The following EXOC5 variants were observed in gnomAD, a reference collection of about 807,000 sequenced individuals.
EXOC5 encodes SEC10-like 1.
In EXOC5, 17 loss-of-function variants were observed where a neutral mutation model predicts 90.8. The observed-to-expected ratio is 0.19, with a 90% CI of 0.13 to 0.28. The LOEUF (loss-of-function observed/expected upper bound fraction) is 0.28, where lower values mean the gene tolerates loss of function less well. EXOC5 is among the 10% of genes least tolerant of loss of function. EXOC5 has a pLI of 1.00. For synonymous variants in EXOC5, 260 were observed against 270.0 expected, an observed-to-expected ratio of 0.96 and a Z score of 0.36; for missense variants, 569 against 830.6, an observed-to-expected ratio of 0.69 and a Z score of 3.87.
At chr14:57,228,981 CTGTT>C (rs1291471706) in intron 12 of EXOC5, among the ~76,000 whole-genome samples, 1 of 151,714 alleles carries the variant, frequency 6.6e-6, no homozygotes, top group African/African-American at 2.4e-5. Context: ...TCTGACTTAT[CTGTT>C]TATTTTGCTA....
intron 3 of EXOC5, among the ~76,000 whole-genome samples, chr14:57,245,291 G>A (rs1048856465): frequency 6.6e-6 from 1 of 152,068 alleles, no homozygotes; most frequent in African/African-American, 2.4e-5. Flanking sequence ...AACTGAGGTG[G>A]GGAAGAGCTG....
At chr14:57,250,177 G>GT (rs1884148823) in intron 1 of EXOC5, among the ~76,000 whole-genome samples, 1 of 152,120 alleles carries the variant, frequency 6.6e-6, no homozygotes, top group Admixed American at 6.6e-5. Context: ...TCTGCGGGAG[G>GT]TAGACTCTAA....
At chr14:57,241,132 G>T (rs1184669636) in intron 4 of EXOC5, among the ~76,000 whole-genome samples, 1 of 152,172 alleles carries the variant, frequency 6.6e-6, no homozygotes, top group East Asian at 1.9e-4. Flanking sequence ...GGGATTACAG[G>T]CTTGAGACAC....
At chr14:57,253,634 G>A (rs535556711) in intron 1 of EXOC5, among the ~76,000 whole-genome samples, 1 of 152,128 alleles carries the variant, frequency 6.6e-6, no homozygotes, top group East Asian at 1.9e-4. Flanking sequence ...GATCAAGACA[G>A]TATATGGTAC....
intron 9 of EXOC5, chr14:57,233,234 T>C (rs1883539797): frequency 7.1e-6 from 1 of 141,130 alleles, no homozygotes; most frequent in Non-Finnish European, 1.5e-5. Context: ...TCCTGAATTG[T>C]GTTAAAAAAA....
intron 7 of EXOC5, among the ~76,000 whole-genome samples, chr14:57,234,604 C>T (rs1883601880): frequency 6.8e-6 from 1 of 147,804 alleles, no homozygotes; most frequent in East Asian, 2.0e-4. Flanking sequence ...TCACTCCTGT[C>T]ACCCAGGCTG....
At chr14:57,225,875 G>A (rs1259643478) in intron 12 of EXOC5, among the ~76,000 whole-genome samples, 1 of 152,212 alleles carries the variant, frequency 6.6e-6, no homozygotes, top group Non-Finnish European at 1.5e-5. Flanking sequence ...GAAGGGGTGA[G>A]AAGGTGCTTC....
rs893591834 is a variant in EXOC5, at chr14:57,205,820, G to A, written c.*2789C>T. 1 of 441,312 alleles carries A rather than the reference G, an allele frequency of 2.3e-6. No homozygotes were observed. Among genetic ancestry groups the A allele is most frequent in the South Asian group, 1.6e-5 (1 of 60,662 alleles). The allele number at this position is 441,312 out of a possible 1,614,324, so 27.3% of individuals were successfully genotyped here. ...ATTAGATTTTAATTTAACCTACTTT[G>A]ATAGTTTTTTAAAACAAGGAAGATC... On this transcript the variant is annotated 3_prime_UTR_variant, in exon 18 of 18. Transcript: ENST00000621441.
At position 57,208,457 on chromosome 14, in the gene EXOC5, A is replaced by C; in HGVS notation, c.*152T>G. On this transcript the variant is annotated 3_prime_UTR_variant, in exon 18 of 18. Coordinates refer to ENST00000621441, the MANE Select transcript of EXOC5 (RefSeq NM_006544.4). ...AACTTTAAATAAAACCTCAAAGGTAAGTATGGCTGCTGTTTTGTTCCAGTC... is the reference window on the plus strand; with the variant it reads ...AACTTTAAATAAAACCTCAAAGGTACGTATGGCTGCTGTTTTGTTCCAGTC... The C allele has an allele frequency of 1.9e-6, 1 of 514,932 alleles. No individual in the cohort carries two copies. Among genetic ancestry groups the C allele is most frequent in the Non-Finnish European group, 3.4e-6 (1 of 293,048 alleles). 31.9% of individuals were successfully genotyped at this position (514,932 alleles called of 1,614,324 possible). A position where few individuals can be genotyped will look rare whatever the true frequency, so the allele number is the denominator to read the frequency against.
intron 12 of EXOC5, among the ~76,000 whole-genome samples, chr14:57,227,143 C>A (rs1360489008): frequency 6.6e-6 from 1 of 152,050 alleles, no homozygotes; most frequent in East Asian, 1.9e-4. Context: ...AAGATCTGAA[C>A]AAACACTTCA....
At chr14:57,254,530 G>T (rs1884289672) in intron 1 of EXOC5, among the ~76,000 whole-genome samples, 1 of 152,074 alleles carries the variant, frequency 6.6e-6, no homozygotes, top group Non-Finnish European at 1.5e-5. Context: ...ATGGCAAAGG[G>T]CCTAGCTATC....
intron 2 of EXOC5, among the ~76,000 whole-genome samples, 179 bp downstream of exon 2, chr14:57,247,439 A>C (rs76742849): frequency 6.6e-6 from 1 of 152,136 alleles, no homozygotes; most frequent in Non-Finnish European, 1.5e-5. Flanking sequence ...TGCTTCTTTA[A>C]AAGAACGTCA....
intron 15 of EXOC5, among the ~76,000 whole-genome samples, chr14:57,212,638 C>T (rs1417805301): frequency 6.6e-6 from 1 of 152,176 alleles, no homozygotes; most frequent in Admixed American, 6.5e-5. Flanking sequence ...ATTCTCACAC[C>T]AGATTTTCAT....
At chr14:57,235,850 G>C (rs1267102360) in intron 6 of EXOC5, 30 bp from the exon 7 acceptor site, 7 of 982,138 alleles carry the variant, frequency 7.1e-6, no homozygotes, top group South Asian at 6.9e-5. Flanking sequence ...GCTACACTGA[G>C]GCATACAAGG....
At chr14:57,256,053 A>G (rs535345838) in intron 1 of EXOC5, among the ~76,000 whole-genome samples, 1 of 152,268 alleles carries the variant, frequency 6.6e-6, no homozygotes, top group African/African-American at 2.4e-5. Flanking sequence ...GTGCCCAAAG[A>G]AGGAACACTT....
In EXOC5 at chr14:57,206,949, T is replaced by C. The variant is rs143524366; in HGVS notation, c.*1660A>G. On this transcript the variant is annotated 3_prime_UTR_variant, in exon 18 of 18. Transcript: ENST00000621441. ...TGGCTTTAAGTAACAGAGGTAAAAT[T>C]TGAATTCACATCAGAGCTTTCTAAA... 6.6e-6 allele frequency: 1 copy of C among 152,432 alleles called. No homozygotes were observed. Among genetic ancestry groups the C allele is most frequent in the Non-Finnish European group, 1.5e-5 (1 of 67,914 alleles). 9.4% of individuals were successfully genotyped at this position (152,432 alleles called of 1,614,324 possible).
At chr14:57,235,248 A>T (rs1883622454) in intron 7 of EXOC5, among the ~76,000 whole-genome samples, 1 of 152,142 alleles carries the variant, frequency 6.6e-6, no homozygotes, top group African/African-American at 2.4e-5. Flanking sequence ...CCCGAGTTCA[A>T]ATTCTAGGTA....
Position 57,233,822 on chromosome 14 carries a change from T to C in EXOC5, c.776A>G (p.Lys259Arg), listed in dbSNP as rs1265554924. 6.2e-7 allele frequency: 1 copy of C among 1,607,562 alleles called. No individual in the cohort carries two copies. Among genetic ancestry groups the C allele is most frequent in the South Asian group, 1.1e-5 (1 of 90,928 alleles). The part of the protein sequence containing the change: ...DAGILCQRVN[K>R]QVGDIFSNPE... ...ATTACTGAAGATATCTCCAACTTGT[T>C]TGTTCACTCTTTGACAGAGTATTCC... Residue 259 changes from lysine to arginine, a missense_variant, in exon 9 of 18, where the codon AAA (lysine) becomes AGA (arginine). Lys to Arg is a conservative substitution (Grantham distance 26, BLOSUM62 2). This residue lies in a region of EXOC5 where 114 missense variants were observed against 111.2 expected (regional missense o/e 1.03). Coordinates refer to ENST00000621441, the MANE Select transcript of EXOC5 (RefSeq NM_006544.4).
Position 57,205,750 on chromosome 14 carries a change from G to GA in EXOC5, c.*2858dup, listed in dbSNP as rs1177122047. The GA allele has an allele frequency of 5.1e-6, 2 of 390,590 alleles. No individual in the cohort carries two copies. Among genetic ancestry groups the GA allele is most frequent in the Non-Finnish European group, 4.9e-6 (1 of 203,570 alleles). The allele number at this position is 390,590 out of a possible 1,614,324, so 24.2% of individuals were successfully genotyped here. ...AAATATTTAGAAGTGAAAGAGGGGGGAAAAAAGAATGATCTACAATGTAAT... is the reference window on the plus strand; with the variant it reads ...AAATATTTAGAAGTGAAAGAGGGGGGAAAAAAAGAATGATCTACAATGTAAT... On this transcript the variant is annotated 3_prime_UTR_variant, in exon 18 of 18. Coordinates refer to ENST00000621441, the MANE Select transcript of EXOC5 (RefSeq NM_006544.4).
Sources: gnomAD v4.1 joint callset for allele counts (sites outside exome capture counted in the v4.1 genomes callset) on GRCh38, gnomAD v4.1.1 for gene constraint, gnomAD v4.1.1 regional missense constraint, MANE v1.5 for transcripts, NCBI Gene and HGNC (gene_info 2026-07-23, HGNC 2026-07-21) for gene names.